Variants in GRM5 observed in about 807,000 individuals in gnomAD.
GRM5 encodes the protein glutamate metabotropic receptor 5, also known as metabotropic glutamate receptor 5.
In GRM5, 19 loss-of-function variants were observed where a neutral mutation model predicts 83.1. The observed-to-expected ratio is 0.23, with a 90% CI of 0.16 to 0.34. GRM5 has a LOEUF of 0.34. Among genes scored for constraint, GRM5 ranks in the 10% least tolerant of loss-of-function variants. The probability of loss-of-function intolerance (pLI) is 1.00; values close to 1 mark genes in which losing one functional copy is unlikely to be tolerated. For synonymous variants in GRM5, 675 were observed against 633.6 expected, an observed-to-expected ratio of 1.07 and a Z score of -0.98; for missense variants, 1,160 against 1,588.3, an observed-to-expected ratio of 0.73 and a Z score of 4.58.
intron 1 of GRM5, among the ~76,000 whole-genome samples, chr11:89,059,235 T>C (rs1244034352): frequency 1.3e-5 from 2 of 152,298 alleles, no homozygotes; most frequent in East Asian, 3.9e-4. Flanking sequence ...GAATAATATA[T>C]ACAGAAAATA....
chr11:88,960,428 T>A, intron 2 of GRM5, among the ~76,000 whole-genome samples: 1 of 152,168 alleles, frequency 6.6e-6, no homozygotes, highest in Non-Finnish European at 1.5e-5. Context: ...TTTGTGAAAT[T>A]CTTCAGATTG....
At chr11:89,048,774 G>A (rs1215025273) in intron 1 of GRM5, among the ~76,000 whole-genome samples, 1 of 152,110 alleles carries the variant, frequency 6.6e-6, no homozygotes, top group Non-Finnish European at 1.5e-5. Context: ...CCCCCAAATA[G>A]GCTGCAAGGA....
At chr11:88,584,331 C>T (rs1943270801) in intron 7 of GRM5, among the ~76,000 whole-genome samples, 1 of 151,078 alleles carries the variant, frequency 6.6e-6, no homozygotes, top group African/African-American at 2.4e-5. Flanking sequence ...AATCTGTATC[C>T]TTCCTTTTCA....
chr11:88,997,643 A>G (rs1462948440), intron 2 of GRM5, among the ~76,000 whole-genome samples: 2 of 152,082 alleles, frequency 1.3e-5, no homozygotes, highest in Non-Finnish European at 2.9e-5. Context: ...TTCAAATATT[A>G]AAGGAATAGT....
intron 5 of GRM5, among the ~76,000 whole-genome samples, chr11:88,598,641 TAGAGCAC>T (rs1182931927): frequency 1.3e-5 from 2 of 152,164 alleles, no homozygotes; most frequent in African/African-American, 4.8e-5. Context: ...GTTGAGATAT[TAGAGCAC>T]AGAGCACTGA....
At chr11:89,028,613 A>G (rs1336847129) in intron 2 of GRM5, among the ~76,000 whole-genome samples, 1 of 152,146 alleles carries the variant, frequency 6.6e-6, no homozygotes, top group African/African-American at 2.4e-5. Context: ...AAACAAATCC[A>G]AAACACATTT....
At chr11:88,926,214 CA>C (rs1344747715) in intron 2 of GRM5, among the ~76,000 whole-genome samples, 1 of 152,146 alleles carries the variant, frequency 6.6e-6, no homozygotes, top group Non-Finnish European at 1.5e-5. Context: ...AGCCCATATT[CA>C]AAACCAAATC....
At position 89,036,516 on chromosome 11, in the gene GRM5, T is replaced by C. The variant is rs535042167; in HGVS notation, c.661+10696A>G. ...TAGAAGATACTTACTGAATGTTTTC[T>C]GTGTGCCAAGCTTGATACTAAGTGC... On this transcript the variant is annotated intron_variant, in intron 2 of 9. Transcript: ENST00000305447. 4.7e-4 allele frequency among the ~76,000 whole-genome samples: 71 copies of C among 152,248 alleles called. 1 individual carries two copies. The highest frequency in any genetic ancestry group is 4.6e-3 in the South Asian group (22 of 4,822).
At chr11:88,603,903 T>C (rs1042286367) in intron 5 of GRM5, among the ~76,000 whole-genome samples, 3 of 152,182 alleles carry the variant, frequency 2.0e-5, no homozygotes, top group African/African-American at 7.2e-5. Context: ...TATGAGCTAT[T>C]GCTAGAAGGG....
At chr11:89,000,231 A>C (rs751766678) in intron 2 of GRM5, among the ~76,000 whole-genome samples, 1 of 152,198 alleles carries the variant, frequency 6.6e-6, no homozygotes, top group Non-Finnish European at 1.5e-5. Flanking sequence ...TAAAACTTAA[A>C]GTATAACAAT....
intron 3 of GRM5, among the ~76,000 whole-genome samples, chr11:88,688,735 C>T (rs1319131334): frequency 6.6e-6 from 1 of 151,872 alleles, no homozygotes; most frequent in Non-Finnish European, 1.5e-5. Context: ...TTTATTTGCT[C>T]ACAAAATTAG....
intron 6 of GRM5, 42 bp from the exon 7 acceptor site, chr11:88,590,769 T>C (rs753596533): frequency 6.5e-7 from 1 of 1,547,264 alleles, no homozygotes; most frequent in Non-Finnish European, 8.9e-7. Flanking sequence ...TTTGCATAGA[T>C]AAAAATCCAA....
intron 5 of GRM5, among the ~76,000 whole-genome samples, chr11:88,604,144 A>G (rs1183430839): frequency 6.6e-6 from 1 of 152,176 alleles, no homozygotes; most frequent in Non-Finnish European, 1.5e-5. Context: ...TATACTTATG[A>G]GTTTATGTTC....
intron 3 of GRM5, among the ~76,000 whole-genome samples, chr11:88,731,353 G>A (rs141966983): frequency 2.4e-3 from 371 of 152,064 alleles, no homozygotes; most frequent in African/African-American, 8.5e-3. Flanking sequence ...CTTGAAAAGC[G>A]CACTCCCATT....
intron 5 of GRM5, among the ~76,000 whole-genome samples, 199 bp from the exon 6 acceptor site, chr11:88,597,551 T>G (rs1820052302): frequency 6.6e-6 from 1 of 152,096 alleles, no homozygotes; most frequent in African/African-American, 2.4e-5. Context: ...ACTTTCAAGC[T>G]TACACCTGAA....
At chr11:88,954,423 T>G (rs1304828302) in intron 2 of GRM5, among the ~76,000 whole-genome samples, 4 of 152,140 alleles carry the variant, frequency 2.6e-5, no homozygotes, top group Non-Finnish European at 4.4e-5. Flanking sequence ...AAGTGAATGT[T>G]ATTATTCTTA....
rs369615306 is a variant in GRM5 at position 89,065,229 on chromosome 11, G to C, written c.-201+547C>G. 7.9e-5 allele frequency among the ~76,000 whole-genome samples: 12 copies of C among 151,168 alleles called. 1 individual carries two copies. The highest frequency in any genetic ancestry group is 6.6e-4 in the Admixed American group (10 of 15,202). ...CCCTCAAACACCTAATGGGCTCAAAGATAGAGGAGCCCATCTCTCTTCCTA... is the reference window on the plus strand; with the variant it reads ...CCCTCAAACACCTAATGGGCTCAAACATAGAGGAGCCCATCTCTCTTCCTA... On this transcript the variant is annotated intron_variant, in intron 1 of 9. Coordinates refer to ENST00000305447, the MANE Select transcript of GRM5 (RefSeq NM_001143831.3).
At position 88,788,759 on chromosome 11, in the gene GRM5, A is replaced by G. The variant is rs530747919; in HGVS notation, c.911+61147T>C. On this transcript the variant is annotated intron_variant, in intron 3 of 9. Transcript: ENST00000305447. ...TGTTTTCAAAATTCTGTCAGTTGCTAGGGAAACTAGAAAGGGGGCTATTAA... is the reference window on the plus strand; with the variant it reads ...TGTTTTCAAAATTCTGTCAGTTGCTGGGGAAACTAGAAAGGGGGCTATTAA... Among the ~76,000 whole-genome samples, 31 of 152,310 alleles carry G rather than the reference A, an allele frequency of 2.0e-4. No homozygotes were observed. The South Asian group carries it at 5.6e-3, about 27-fold the overall frequency.
chr11:88,719,699 C>T (rs1441882450), intron 3 of GRM5, among the ~76,000 whole-genome samples: 1 of 151,982 alleles, frequency 6.6e-6, no homozygotes, highest in Non-Finnish European at 1.5e-5. Context: ...ATAAGGGTTC[C>T]CTTTTCTCCC....
Sources: gnomAD v4.1 joint callset for allele counts (sites outside exome capture counted in the v4.1 genomes callset) on GRCh38, gnomAD v4.1.1 for gene constraint, MANE v1.5 for transcripts, NCBI Gene and HGNC (gene_info 2026-07-23, HGNC 2026-07-21) for gene names.